IQCM: variants seen among roughly 807,000 people sequenced by gnomAD.
IQCM encodes IQ motif containing M.
Under a neutral mutation model 57.6 loss-of-function variants are expected in IQCM, and 45 were observed. The ratio of observed to expected loss-of-function variants is 0.78; its 90% confidence interval spans 0.62 to 1.00. The LOEUF (loss-of-function observed/expected upper bound fraction) is 1.00, where lower values mean the gene tolerates loss of function less well. Among genes scored for constraint, IQCM ranks in the 50% least tolerant of loss-of-function variants. The pLI is 0.00. For missense variants in IQCM, 468 were observed against 511.6 expected, an observed-to-expected ratio of 0.91 and a Z score of 0.82; for synonymous variants, 148 against 158.9, an observed-to-expected ratio of 0.93 and a Z score of 0.51.
chr4:149,726,070 TA>T (rs1765866061), intron 5 of IQCM, among the ~76,000 whole-genome samples: 1 of 55,584 alleles, frequency 1.8e-5, no homozygotes, highest in African/African-American at 9.3e-5. Flanking sequence ...CTCTTCCCTC[TA>T]AAAGAAAGAA....
intron 11 of IQCM, among the ~76,000 whole-genome samples, chr4:149,551,252 C>G (rs1019853690): frequency 3.3e-5 from 5 of 152,196 alleles, no homozygotes; most frequent in African/African-American, 1.2e-4. Context: ...TTAGAACCTT[C>G]TTCCCCCATA....
chr4:149,402,415 G>A (rs770993910), intron 13 of IQCM, among the ~76,000 whole-genome samples: 1 of 151,674 alleles, frequency 6.6e-6, no homozygotes, highest in African/African-American at 2.4e-5. Context: ...ATATTCACAG[G>A]TTATAAACCA....
At chr4:149,406,348 G>C (rs1732979611) in intron 13 of IQCM, among the ~76,000 whole-genome samples, 1 of 152,110 alleles carries the variant, frequency 6.6e-6, no homozygotes, top group Non-Finnish European at 1.5e-5. Context: ...GTAAGAAAAG[G>C]CTGTGTTGAG....
intron 6 of IQCM, among the ~76,000 whole-genome samples, chr4:149,683,399 G>C (rs1312077173): frequency 6.6e-6 from 1 of 151,004 alleles, no homozygotes; most frequent in East Asian, 1.9e-4. Context: ...TATGAAAGAG[G>C]GGACTCTTCA....
intron 2 of IQCM, among the ~76,000 whole-genome samples, chr4:149,773,124 G>T (rs1770745439): frequency 6.6e-6 from 1 of 152,162 alleles, no homozygotes; most frequent in African/African-American, 2.4e-5. Flanking sequence ...GGCCGAGGCG[G>T]GTGGATCACG....
At chr4:149,599,575 C>T (rs1579645330) in intron 8 of IQCM, among the ~76,000 whole-genome samples, 1 of 151,856 alleles carries the variant, frequency 6.6e-6, no homozygotes, top group Admixed American at 6.6e-5. Context: ...TATATATACT[C>T]TTAAATGATT....
intron 13 of IQCM, among the ~76,000 whole-genome samples, chr4:149,405,172 A>G (rs1732891478): frequency 6.6e-6 from 1 of 152,126 alleles, no homozygotes; most frequent in Non-Finnish European, 1.5e-5. Flanking sequence ...TAAGCAGCTG[A>G]ATCAAATTGC....
chr4:149,603,982 T>C (rs1159649412), intron 8 of IQCM, among the ~76,000 whole-genome samples: 2 of 152,086 alleles, frequency 1.3e-5, no homozygotes, highest in East Asian at 3.9e-4. Context: ...CTGTTATTAT[T>C]AGTACTACTG....
rs139084953 is a variant in IQCM, at chr4:149,723,862, G to C, written c.385+9382C>G. On this transcript the variant is annotated intron_variant, in intron 5 of 13. Coordinates refer to ENST00000636793, the MANE Select transcript of IQCM (RefSeq NM_001363507.2). ...ATTTTGGAATAGTTTCAGTAGGATT[G>C]ATACCAATTCTACTTTGGATGTCTG... 2.3e-4 allele frequency among the ~76,000 whole-genome samples: 35 copies of C among 151,738 alleles called. No individual in the cohort carries two copies. The East Asian group carries it at 6.4e-3, about 28-fold the overall frequency.
At chr4:149,613,715 C>T (rs1755518613) in intron 8 of IQCM, among the ~76,000 whole-genome samples, 1 of 151,986 alleles carries the variant, frequency 6.6e-6, no homozygotes, top group African/African-American at 2.4e-5. Flanking sequence ...GCTATCTCTC[C>T]CCGCTCCCCC....
chr4:149,553,432 T>C (rs550487247), intron 10 of IQCM, 145 bp from the exon 11 acceptor site: 1 of 504,402 alleles, frequency 2.0e-6, no homozygotes, highest in East Asian at 3.5e-5. Context: ...ATATACGCAT[T>C]GTAGAGTAAT....
intron 8 of IQCM, among the ~76,000 whole-genome samples, chr4:149,592,270 T>C (rs1753265243): frequency 1.3e-5 from 2 of 152,216 alleles, no homozygotes; most frequent in Admixed American, 6.5e-5. Flanking sequence ...GAAGTGTCTG[T>C]TCATATCCTT....
chr4:149,608,253 C>A (rs569833932), intron 8 of IQCM, among the ~76,000 whole-genome samples: 2 of 151,890 alleles, frequency 1.3e-5, no homozygotes, highest in South Asian at 2.1e-4. Flanking sequence ...CTGGAGCACC[C>A]AGAAATACAA....
intron 2 of IQCM, among the ~76,000 whole-genome samples, chr4:149,802,067 A>G (rs946653115): frequency 1.3e-5 from 2 of 151,844 alleles, no homozygotes; most frequent in Non-Finnish European, 2.9e-5. Flanking sequence ...ATAAAACAAA[A>G]AAGAAGTATG....
intron 12 of IQCM, among the ~76,000 whole-genome samples, chr4:149,494,044 T>C (rs150521401): frequency 1.6e-4 from 24 of 152,126 alleles, no homozygotes; most frequent in African/African-American, 5.3e-4. Flanking sequence ...CTTTTCTTTT[T>C]TTTTTTTAAG....
chr4:149,707,194 C>T (rs1167806090), intron 5 of IQCM, among the ~76,000 whole-genome samples: 1 of 152,012 alleles, frequency 6.6e-6, no homozygotes, highest in Non-Finnish European at 1.5e-5. Flanking sequence ...ATGGTAGTAG[C>T]ATTAGGCTAT....
chr4:149,758,838 A>G (rs1462617684), intron 2 of IQCM, among the ~76,000 whole-genome samples: 1 of 152,078 alleles, frequency 6.6e-6, no homozygotes, highest in Non-Finnish European at 1.5e-5. Context: ...ACAGGAACTC[A>G]CTCATTGCTG....
intron 10 of IQCM, among the ~76,000 whole-genome samples, chr4:149,562,842 C>T (rs62338944): frequency 0.011 from 1,712 of 152,278 alleles, 11 homozygotes; most frequent in Non-Finnish European, 0.019. Flanking sequence ...CTAACAGTAT[C>T]ACCACATTGT....
intron 12 of IQCM, among the ~76,000 whole-genome samples, chr4:149,481,705 T>TTTG (rs1740861208): frequency 7.5e-6 from 1 of 133,126 alleles, no homozygotes; most frequent in African/African-American, 2.8e-5. Context: ...AGTTTTGTTT[T>TTTG]TTTTTTTTTT....
Sources: gnomAD v4.1 joint callset for allele counts (sites outside exome capture counted in the v4.1 genomes callset) on GRCh38, gnomAD v4.1.1 for gene constraint, MANE v1.5 for transcripts, NCBI Gene and HGNC (gene_info 2026-07-23, HGNC 2026-07-21) for gene names.